KRT73: variants seen among roughly 807,000 people sequenced by gnomAD.
The protein encoded by KRT73 is keratin, type II cytoskeletal 73.
KRT73 carries 44 observed loss-of-function variants against 47.2 expected under a neutral mutation model. The ratio of observed to expected loss-of-function variants is 0.93; its 90% CI spans 0.73 to 1.20. The LOEUF is 1.20. Ranked by LOEUF, KRT73 falls within the 50% of genes most tolerant of loss-of-function variation. KRT73 has a pLI of 0.00. For missense variants in KRT73, 713 were observed against 704.5 expected (o/e 1.01, Z -0.14); for synonymous variants, 285 against 291.3 (o/e 0.98, Z 0.22).
chr12:52,613,495 G>T, intron 5 of KRT73, 193 bp downstream of exon 5: 1 of 1,012,110 alleles, frequency 9.9e-7, no homozygotes, highest in Non-Finnish European at 1.4e-6. Flanking sequence ...CATCCTCCAG[G>T]GGTGCTGTTG....
chr12:52,610,529 G>GCTC, intron 7 of KRT73, 86 bp downstream of exon 7: 2 of 295,156 alleles, frequency 6.8e-6, no homozygotes, highest in South Asian at 5.3e-5. Context: ...CCAGCTCGCC[G>GCTC]CCCCCTCCCC....
the KRT73 span, among the ~76,000 whole-genome samples, chr12:52,629,617 C>G: frequency 6.6e-6 from 1 of 152,222 alleles, no homozygotes. Flanking sequence ...AAGGTTGGAT[C>G]CTGACCGCAC....
In KRT73 at chr12:52,618,205, A is replaced by C; in HGVS notation, c.320T>G (p.Val107Gly). 1 of 1,614,074 alleles carries C rather than the reference A, an allele frequency of 6.2e-7. No individual in the cohort carries two copies. Among genetic ancestry groups the C allele is most frequent in the Non-Finnish European group, 8.5e-7 (1 of 1,180,014 alleles). Residue 107 changes from valine to glycine, a missense_variant, in exon 1 of 9, where the codon GTC (valine) becomes GGC (glycine). Physicochemically the swap from Val to Gly is moderately radical, Grantham distance 109. Transcript: ENST00000305748. ...TGCCAGGAGGCTCTTGTTGATGGTG[A>C]CCTGATGGATACCCCCGGGCGGGCA... is the stretch of plus-strand genomic sequence containing the variant. ...SLCPPGGIHQ[V>G]TINKSLLAPL...
chr12:52,619,547 C>T (rs941963069), upstream of KRT73, among the ~76,000 whole-genome samples: 6 of 152,194 alleles, frequency 3.9e-5, no homozygotes, highest in African/African-American at 1.2e-4. Flanking sequence ...GAGCTATGCC[C>T]GCCTTATTCA....
chr12:52,607,936 G>A lies in KRT73; in HGVS notation c.*260C>T. On this transcript the variant is annotated 3_prime_UTR_variant, in exon 9 of 9. Coordinates refer to ENST00000305748, the MANE Select transcript of KRT73 (RefSeq NM_175068.3). ...CACAGGGACATGCAGGCAGAGAAAA[G>A]GCCAAGTCTTCTTCCAGAAGGGGAG... 4.4e-6 allele frequency: 2 copies of A among 451,844 alleles called. No individual in the cohort carries two copies. Among genetic ancestry groups the A allele is most frequent in the Non-Finnish European group, 3.9e-6 (1 of 254,956 alleles). 28.0% of individuals were successfully genotyped at this position (451,844 alleles called of 1,614,324 possible).
Position 52,618,332 on chromosome 12 carries a change from T to C in KRT73, c.193A>G (p.Ser65Gly). 6.2e-7 allele frequency: 1 copy of C among 1,614,136 alleles called. No homozygotes were observed. The highest frequency in any genetic ancestry group is 8.5e-7 in the Non-Finnish European group (1 of 1,180,030). Residue 65 changes from serine to glycine, a missense_variant, in exon 1 of 9, where the codon AGT becomes GGT. Ser to Gly is a moderately conservative substitution (Grantham distance 56). Coordinates refer to ENST00000305748, the MANE Select transcript of KRT73 (RefSeq NM_175068.3). Reference sequence around the variant, plus strand: ...AATCCATAGCCTCCTGCCCACCCACTGCCACTGGCCACATTGAAAGAGATG... The same window carrying C: ...AATCCATAGCCTCCTGCCCACCCACCGCCACTGGCCACATTGAAAGAGATG... The part of the protein sequence containing the change: ...RSISFNVASG[S>G]GWAGGYGFGR...
chr12:52,627,081 T>A, the KRT73 span, among the ~76,000 whole-genome samples: 1 of 152,340 alleles, frequency 6.6e-6, no homozygotes, highest in East Asian at 1.9e-4. Context: ...TGCCCAGCAC[T>A]GCTCTGTTCA....
Position 52,618,357 on chromosome 12 carries a change from G to T in KRT73, c.168C>A (p.Ser56Arg), listed in dbSNP as rs756292562. The change falls in exon 1 of 9, where the codon AGC becomes AGA. Residue 56 changes from serine (S) to arginine (R), a missense_variant. Coordinates refer to ENST00000305748, the MANE Select transcript of KRT73 (RefSeq NM_175068.3). ...RSLYSLGGAR[S>R]ISFNVASGSG... ...TGCCACTGGCCACATTGAAAGAGAT[G>T]CTCCGGGCACCCCCCAGGCTGTAAA... 6.2e-7 allele frequency: 1 copy of T among 1,614,198 alleles called. No individual in the cohort carries two copies. The highest frequency in any genetic ancestry group is 2.2e-5 in the East Asian group (1 of 44,884).
At position 52,609,423 on chromosome 12, in the gene KRT73, C is replaced by T. The variant is rs1940649866; in HGVS notation, c.1332-142G>A. 1.4e-5 allele frequency: 10 copies of T among 726,438 alleles called. 1 individual carries two copies. Among genetic ancestry groups the T allele is most frequent in the Admixed American group, 3.8e-5 (2 of 52,870 alleles). 45.0% of individuals were successfully genotyped at this position (726,438 alleles called of 1,614,324 possible). A position where few individuals can be genotyped will look rare whatever the true frequency, so the allele number is the denominator to read the frequency against. On this transcript the variant is annotated intron_variant, in intron 7 of 8. Coordinates refer to ENST00000305748, the MANE Select transcript of KRT73 (RefSeq NM_175068.3). ...ACACTTGCCAGATGGCACTGGCTGCCCTTGCATGTCTCTAAGCCCTCCCTC... is the reference window on the plus strand; with the variant it reads ...ACACTTGCCAGATGGCACTGGCTGCTCTTGCATGTCTCTAAGCCCTCCCTC...
chr12:52,616,892 A>G (rs1940826024), intron 1 of KRT73, among the ~76,000 whole-genome samples: 1 of 152,110 alleles, frequency 6.6e-6, no homozygotes, highest in Non-Finnish European at 1.5e-5. Context: ...AGTTGCTTTC[A>G]TGTCTGAATC....
Position 52,611,185 on chromosome 12 carries a change from A to C in KRT73, c.1110+19T>G. On this transcript the variant is annotated intron_variant, in intron 6 of 8. Coordinates refer to ENST00000305748, the MANE Select transcript of KRT73 (RefSeq NM_175068.3). The stretch of plus-strand genomic sequence containing the variant: ...CCCCTCCCTTAGGAGTGAGTAAGGA[A>C]GGCTCCAGTCCCCTTCACCTGCTTC... 1.2e-6 allele frequency: 2 copies of C among 1,613,876 alleles called. No individual in the cohort carries two copies. The highest frequency in any genetic ancestry group is 2.2e-5 in the South Asian group (2 of 91,034).
the KRT73 span, among the ~76,000 whole-genome samples, chr12:52,628,716 A>G: frequency 6.6e-6 from 1 of 152,344 alleles, no homozygotes. Flanking sequence ...GAGACAAGGG[A>G]GAAGGTGACT....
chr12:52,618,025 T>A lies in KRT73; in HGVS notation c.447+53A>T, dbSNP rs550927961. 130 of 1,568,810 alleles carry A rather than the reference T, an allele frequency of 8.3e-5. No homozygotes were observed. The African/African-American group carries it at 1.4e-3, about 17-fold the overall frequency. ...ACCACAAATTAGGGCAGTGGCTCCC[T>A]CCTGAGTCCTTAAAAGGGGAGCCCA... On this transcript the variant is annotated intron_variant, in intron 1 of 8. Coordinates refer to ENST00000305748, the MANE Select transcript of KRT73 (RefSeq NM_175068.3).
At chr12:52,618,638 A>T, upstream of KRT73, 1 of 1,128,818 alleles carries the variant, frequency 8.9e-7, no homozygotes, top group Non-Finnish European at 1.2e-6. Flanking sequence ...CCATGGGCCT[A>T]ATTTGTGGGT....
chr12:52,611,857 A>T (rs1329485097), intron 5 of KRT73, among the ~76,000 whole-genome samples: 1 of 152,062 alleles, frequency 6.6e-6, no homozygotes, highest in Non-Finnish European at 1.5e-5. Context: ...CAACTTAACC[A>T]GTGCAGAGTC....
In KRT73 at chr12:52,611,202, A is replaced by G. The variant is rs1389979779; in HGVS notation, c.1110+2T>C. ...AGTAAGGAAGGCTCCAGTCCCCTTC[A>G]CCTGCTTCTTCACACTCTCAATCTC... On this transcript the variant is annotated splice_donor_variant, in intron 6 of 8. Transcript: ENST00000305748. LOFTEE classifies it high-confidence loss of function. 1 of 1,614,114 alleles carries G rather than the reference A, an allele frequency of 6.2e-7. No individual in the cohort carries two copies. Among genetic ancestry groups the G allele is most frequent in the Non-Finnish European group, 8.5e-7 (1 of 1,180,022 alleles).
chr12:52,627,101 C>T, the KRT73 span, among the ~76,000 whole-genome samples: 3 of 152,192 alleles, frequency 2.0e-5, no homozygotes, highest in Admixed American at 1.3e-4. Flanking sequence ...ACAGTAGATA[C>T]AGCACCTCTA....
At chr12:52,612,707 G>C (rs1317183822) in intron 5 of KRT73, 4 of 152,132 alleles carry the variant, frequency 2.6e-5, no homozygotes, top group African/African-American at 9.7e-5. Context: ...GCCACACAAA[G>C]CCCTTAGAGT....
upstream of KRT73, among the ~76,000 whole-genome samples, chr12:52,621,493 A>G (rs1404564360): frequency 2.6e-5 from 4 of 152,200 alleles, no homozygotes; most frequent in African/African-American, 7.2e-5. Context: ...GCACACCAAC[A>G]GGGACCTCAG....
Sources: gnomAD v4.1 joint callset for allele counts (sites outside exome capture counted in the v4.1 genomes callset) on GRCh38, gnomAD v4.1.1 for gene constraint, MANE v1.5 for transcripts, NCBI Gene and HGNC (gene_info 2026-07-23, HGNC 2026-07-21) for gene names.